The following RALY variants were observed in gnomAD, a reference collection of about 807,000 sequenced individuals.
RALY encodes RALY heterogeneous nuclear ribonucleoprotein.
In RALY, 15 loss-of-function variants were observed where a neutral mutation model predicts 30.7. That is an observed-to-expected ratio of 0.49 (90% CI 0.33 to 0.75). The LOEUF is 0.75. Among genes scored for constraint, RALY ranks in the 30% least tolerant of loss-of-function variants. The pLI is 0.02. For synonymous variants in RALY, 177 were observed against 170.8 expected (o/e 1.04, Z -0.28); for missense variants, 339 against 414.3 (o/e 0.82, Z 1.58).
rs763043133 is a variant in RALY at position 34,077,055 on chromosome 20, GCGC to G, written c.689_691del (p.Ala230del). 36 of 1,387,468 alleles carry G rather than the reference GCGC, an allele frequency of 2.6e-5. No homozygotes were observed. Among genetic ancestry groups the G allele is most frequent in the South Asian group, 1.9e-4 (15 of 77,662 alleles). The allele number at this position is 1,387,468 out of a possible 1,614,324, so 85.9% of individuals were successfully genotyped here. ...GGCAAGAAGAAGGGTGATGGAGGTGGCGCCGGCGGCGGCGGCGGTGGTGGTGGC... is the reference window on the plus strand; with the variant it reads ...GGCAAGAAGAAGGGTGATGGAGGTGGCGGCGGCGGCGGCGGTGGTGGTGGC... On this transcript the variant is annotated inframe_deletion, in exon 8 of 10. Coordinates refer to ENST00000246194, the MANE Select transcript of RALY (RefSeq NM_016732.3).
intron 2 of RALY, among the ~76,000 whole-genome samples, chr20:34,052,855 G>A (rs1233914373): frequency 6.6e-6 from 1 of 152,122 alleles, no homozygotes; most frequent in African/African-American, 2.4e-5. Flanking sequence ...CCTGAGAGGG[G>A]TTTGAAGAGA....
At position 34,082,970 on chromosome 20, in the gene RALY, G is replaced by A. The variant is rs1315612667; in HGVS notation, c.*3065G>A. On this transcript the variant is annotated 3_prime_UTR_variant, in exon 10 of 10. Coordinates refer to ENST00000246194, the MANE Select transcript of RALY (RefSeq NM_016732.3). ...GCAGCCAGTGGGTATACTGGATTGT[G>A]AGCTAAGAGGCCTGGGACTTTCCCC... The A allele has an allele frequency of 6.6e-6, 1 of 152,256 alleles. No homozygotes were observed. The highest frequency in any genetic ancestry group is 1.5e-5 in the Non-Finnish European group (1 of 68,062). 9.4% of individuals were successfully genotyped at this position (152,256 alleles called of 1,614,324 possible).
At chr20:34,021,665 G>A (rs888888276) in intron 1 of RALY, among the ~76,000 whole-genome samples, 2 of 152,038 alleles carry the variant, frequency 1.3e-5, no homozygotes, top group African/African-American at 4.8e-5. Flanking sequence ...AGCAGTCATG[G>A]CCATAAAAGG....
At position 34,083,270 on chromosome 20, in the gene RALY, G is replaced by C. The variant is rs1275309762; in HGVS notation, c.*3365G>C. 2 of 152,270 alleles carry C rather than the reference G, an allele frequency of 1.3e-5. No individual in the cohort carries two copies. Among genetic ancestry groups the C allele is most frequent in the Non-Finnish European group, 2.9e-5 (2 of 68,092 alleles). 9.4% of individuals were successfully genotyped at this position (152,270 alleles called of 1,614,324 possible). ...CTCGTGTGGCTGAAGTGAGCTGGCA[G>C]ATCAGCTGGGGACTGGCTGGTCTCA... On this transcript the variant is annotated 3_prime_UTR_variant, in exon 10 of 10. Transcript: ENST00000246194.
At chr20:34,005,061 A>G (rs529688127) in intron 1 of RALY, among the ~76,000 whole-genome samples, 61 of 152,198 alleles carry the variant, frequency 4.0e-4, no homozygotes, top group Non-Finnish European at 7.5e-4. Context: ...CCTTCCAGAG[A>G]GCAGCATTTT....
intron 2 of RALY, among the ~76,000 whole-genome samples, chr20:34,061,748 A>T (rs989544209): frequency 6.6e-6 from 1 of 152,240 alleles, no homozygotes. Context: ...ACAATTCTGT[A>T]GTAAGTTTTC....
intron 1 of RALY, among the ~76,000 whole-genome samples, chr20:34,030,741 A>G (rs1175291486): frequency 6.6e-6 from 1 of 152,124 alleles, no homozygotes; most frequent in East Asian, 1.9e-4. Flanking sequence ...TGTCTCTTGT[A>G]TGTACCTCAT....
At position 34,074,130 on chromosome 20, in the gene RALY, C is replaced by T. The variant is rs548177913; in HGVS notation, c.377+264C>T. ...GTCCTTGGGTGAGGCTCAAGGAGACCGTACAGCCAAGAGCTATGTAAGTGT... is the reference window on the plus strand; with the variant it reads ...GTCCTTGGGTGAGGCTCAAGGAGACTGTACAGCCAAGAGCTATGTAAGTGT... On this transcript the variant is annotated intron_variant, in intron 5 of 9. Coordinates refer to ENST00000246194, the MANE Select transcript of RALY (RefSeq NM_016732.3). Among the ~76,000 whole-genome samples, 159 of 152,230 alleles carry T rather than the reference C, an allele frequency of 1.0e-3. 2 individuals carry two copies. In the South Asian group the frequency reaches 0.029, roughly 28 times the overall value.
intron 6 of RALY, among the ~76,000 whole-genome samples, chr20:34,076,450 T>C (rs750507413): frequency 2.6e-5 from 4 of 152,204 alleles, no homozygotes; most frequent in Non-Finnish European, 4.4e-5. Flanking sequence ...ACACCTGTGC[T>C]CCTGTCTGTC....
At chr20:34,035,175 A>AAAAAAC (rs2032443556) in intron 2 of RALY, among the ~76,000 whole-genome samples, 3 of 138,792 alleles carry the variant, frequency 2.2e-5, no homozygotes, top group Admixed American at 7.0e-5. Context: ...AAAAAAAAAA[A>AAAAAAC]AAAAAAAAAA....
chr20:34,055,466 G>T (rs765771026), intron 2 of RALY, among the ~76,000 whole-genome samples: 1 of 152,130 alleles, frequency 6.6e-6, no homozygotes, highest in African/African-American at 2.4e-5. Context: ...GGGCATGGGG[G>T]CTGTGGTATG....
intron 5 of RALY, 125 bp downstream of exon 5, chr20:34,073,991 C>A: frequency 1.9e-6 from 2 of 1,051,602 alleles, no homozygotes; most frequent in South Asian, 1.5e-5. Flanking sequence ...CCTGGGGTTG[C>A]TCCACCAGTC....
intron 2 of RALY, among the ~76,000 whole-genome samples, chr20:34,032,199 G>A (rs1216244156): frequency 6.6e-6 from 1 of 152,222 alleles, no homozygotes; most frequent in Admixed American, 6.5e-5. Context: ...CCGACCTCAG[G>A]TGATCTGCCT....
Position 34,014,465 on chromosome 20 carries a change from G to C in RALY, c.-92-17057G>C, listed in dbSNP as rs186924342. 2.6e-5 allele frequency among the ~76,000 whole-genome samples: 4 copies of C among 152,170 alleles called. No individual in the cohort carries two copies. In the East Asian group the frequency reaches 7.7e-4, roughly 29 times the overall value. On this transcript the variant is annotated intron_variant, in intron 1 of 9. Transcript: ENST00000246194. ...GGGTAAACGTGACAGTTAAAGTGGT[G>C]GATTATGTATATGTATTATAATTTA...
intron 5 of RALY, among the ~76,000 whole-genome samples, chr20:34,074,462 CCCTGCTTCTCT>C (rs1286497673): frequency 3.3e-5 from 5 of 152,244 alleles, no homozygotes; most frequent in African/African-American, 1.2e-4. Flanking sequence ...CTCTCCTCCT[CCCTGCTTCTCT>C]CCCTCTGTCC....
chr20:34,065,635 A>G (rs2033549166), intron 2 of RALY, among the ~76,000 whole-genome samples: 1 of 152,218 alleles, frequency 6.6e-6, no homozygotes, highest in Admixed American at 6.5e-5. Context: ...CCGCCTGGTA[A>G]AAGCAGGAGC....
chr20:34,074,972 C>G (rs1264642517), intron 5 of RALY, among the ~76,000 whole-genome samples: 1 of 152,286 alleles, frequency 6.6e-6, no homozygotes, highest in Middle Eastern at 3.4e-3. Context: ...AAGTTTACCC[C>G]CTGGGCTGCG....
Position 34,084,848 on chromosome 20 carries a change from C to G in RALY, c.*4943C>G, listed in dbSNP as rs1397944491. The stretch of plus-strand genomic sequence containing the variant: ...CACTGATGCCATTCAAAGCCCAGCA[C>G]CATGAGAGATAATAAAACGTTGTTT... On this transcript the variant is annotated 3_prime_UTR_variant, in exon 10 of 10. Transcript: ENST00000246194. 6.6e-6 allele frequency: 1 copy of G among 152,298 alleles called. No individual in the cohort carries two copies. Among genetic ancestry groups the G allele is most frequent in the Non-Finnish European group, 1.5e-5 (1 of 68,086 alleles). The allele number at this position is 152,298 out of a possible 1,614,324, so 9.4% of individuals were successfully genotyped here.
intron 1 of RALY, among the ~76,000 whole-genome samples, chr20:34,011,018 A>G (rs1313332855): frequency 2.9e-5 from 3 of 105,082 alleles, no homozygotes; most frequent in African/African-American, 4.3e-5. Context: ...TTTTGAGTGA[A>G]TGAATAAACT....
Sources: allele counts gnomAD v4.1 joint callset (sites outside exome capture counted in the v4.1 genomes callset), GRCh38; gene constraint gnomAD v4.1.1; transcripts MANE v1.5; gene names NCBI Gene and HGNC (gene_info 2026-07-23, HGNC 2026-07-21).